The following RNF185 variants were observed in gnomAD, a reference collection of about 807,000 sequenced individuals.
The protein encoded by RNF185 is ring finger protein 185, also known as E3 ubiquitin-protein ligase RNF185.
RNF185 carries 13 observed loss-of-function variants against 24.9 expected under a neutral mutation model. The ratio of observed to expected loss-of-function variants is 0.52; its 90% CI spans 0.34 to 0.83. The LOEUF (loss-of-function observed/expected upper bound fraction) is 0.83. RNF185 is among the 40% of genes least tolerant of loss of function. The probability of loss-of-function intolerance (pLI) is 0.01; values close to 1 mark genes in which losing one functional copy is unlikely to be tolerated. For synonymous variants in RNF185, 79 were observed against 90.3 expected (o/e 0.88, Z 0.71); for missense variants, 184 against 244.7 (o/e 0.75, Z 1.65).
intron 1 of RNF185, among the ~76,000 whole-genome samples, chr22:31,167,596 A>C (rs569449782): frequency 7.1e-6 from 1 of 140,116 alleles, no homozygotes; most frequent in South Asian, 2.3e-4. Context: ...ATGGAAACGT[A>C]GGGGGGTTTT....
chr22:31,164,872 C>T (rs145675313), intron 1 of RNF185, among the ~76,000 whole-genome samples: 34 of 152,008 alleles, frequency 2.2e-4, no homozygotes, highest in African/African-American at 7.5e-4. Context: ...AGGTGTGCCA[C>T]CACACCCGGC....
chr22:31,191,827 C>CA (rs71784545), intron 2 of RNF185, among the ~76,000 whole-genome samples: 12,931 of 64,152 alleles, frequency 0.2, 1,862 homozygotes, highest in African/African-American at 0.41. Flanking sequence ...AACTTCGTCT[C>CA]AAAAAAAAAA....
At chr22:31,197,907 T>C (rs946952406) in intron 5 of RNF185, among the ~76,000 whole-genome samples, 4 of 152,080 alleles carry the variant, frequency 2.6e-5, no homozygotes, top group African/African-American at 9.7e-5. Flanking sequence ...AGAAGTAAGA[T>C]TACTGGCTAA....
intron 1 of RNF185, among the ~76,000 whole-genome samples, chr22:31,180,330 G>C (rs1186681361): frequency 6.6e-6 from 1 of 151,984 alleles, no homozygotes; most frequent in Non-Finnish European, 1.5e-5. Flanking sequence ...TGGGCGTGGT[G>C]GTGGGCACCT....
rs397952201 is a variant in RNF185, at chr22:31,175,452, C to CAA, written c.-48-11582_-48-11581dup. Among the ~76,000 whole-genome samples the CAA allele has an allele frequency of 1.8e-3, 210 of 115,110 alleles. 2 individuals carry two copies. The highest frequency in any genetic ancestry group is 5.6e-3 in the African/African-American group (174 of 31,076). The allele number at this position is 115,110 out of a possible 152,430, so 75.5% of individuals were successfully genotyped here. ...CTGGGCAACAAGAGTGAAACTGTCT[C>CAA]AAAAAAAAAAAAAAGCCATATATCA... is the stretch of plus-strand genomic sequence containing the variant. On this transcript the variant is annotated intron_variant, in intron 1 of 6. Transcript: ENST00000326132.
rs188041584 is a variant in RNF185, at chr22:31,181,100, C to T, written c.-48-5947C>T. On this transcript the variant is annotated intron_variant, in intron 1 of 6. Coordinates refer to ENST00000326132, the MANE Select transcript of RNF185 (RefSeq NM_152267.4). ...CTTTTATTGGGGCTAGGCATGGTGGCTCACTGGGAGGCTGAGGCAGGAGAA... is the reference window on the plus strand; with the variant it reads ...CTTTTATTGGGGCTAGGCATGGTGGTTCACTGGGAGGCTGAGGCAGGAGAA... Among the ~76,000 whole-genome samples, 468 of 152,212 alleles carry T rather than the reference C, an allele frequency of 3.1e-3. 3 individuals carry two copies. The highest frequency in any genetic ancestry group is 5.3e-3 in the Non-Finnish European group (358 of 68,014).
chr22:31,160,673 G>C (rs1923513922), intron 1 of RNF185, among the ~76,000 whole-genome samples: 1 of 152,180 alleles, frequency 6.6e-6, no homozygotes, highest in Non-Finnish European at 1.5e-5. Flanking sequence ...AACAGAGTTG[G>C]GCTGAAAGTA....
chr22:31,180,913 CTCTGTG>C (rs1244659498), intron 1 of RNF185, among the ~76,000 whole-genome samples: 711 of 60,846 alleles, frequency 0.012, 1 homozygote, highest in East Asian at 0.1. Context: ...TTCTCTCTCT[CTCTGTG>C]TGTGTGTGTG....
chr22:31,191,691 G>A (rs898962230), intron 2 of RNF185, among the ~76,000 whole-genome samples: 6 of 152,138 alleles, frequency 3.9e-5, no homozygotes, highest in Non-Finnish European at 7.4e-5. Context: ...AATTAGCTGG[G>A]CGTGGTGGCA....
At chr22:31,203,109 A>T (rs2147967662) in intron 6 of RNF185, among the ~76,000 whole-genome samples, 1 of 152,304 alleles carries the variant, frequency 6.6e-6, no homozygotes, top group African/African-American at 2.4e-5. Flanking sequence ...TGGATTCCCC[A>T]GCTAAGCAGA....
intron 2 of RNF185, among the ~76,000 whole-genome samples, chr22:31,189,483 G>C (rs1447404777): frequency 6.6e-6 from 1 of 151,282 alleles, no homozygotes; most frequent in Non-Finnish European, 1.5e-5. Context: ...TTTTAGTAGA[G>C]ATGGGGCTTC....
At chr22:31,182,545 C>T (rs1279226249) in intron 1 of RNF185, among the ~76,000 whole-genome samples, 1 of 152,184 alleles carries the variant, frequency 6.6e-6, no homozygotes, top group East Asian at 1.9e-4. Flanking sequence ...AGCGATCCAC[C>T]TACCTTGGCC....
intron 1 of RNF185, among the ~76,000 whole-genome samples, chr22:31,174,553 A>AT (rs916447513): frequency 2.6e-5 from 4 of 151,722 alleles, no homozygotes; most frequent in Non-Finnish European, 5.9e-5. Context: ...CTAATTTTAA[A>AT]TTTTTTTGGT....
At chr22:31,180,808 T>C (rs1368677080) in intron 1 of RNF185, among the ~76,000 whole-genome samples, 1 of 152,180 alleles carries the variant, frequency 6.6e-6, no homozygotes, top group African/African-American at 2.4e-5. Flanking sequence ...TTATAAAACA[T>C]TGAAACAGGG....
At chr22:31,164,122 C>T (rs1923760655) in intron 1 of RNF185, among the ~76,000 whole-genome samples, 2 of 152,002 alleles carry the variant, frequency 1.3e-5, no homozygotes, top group African/African-American at 4.8e-5. Flanking sequence ...GCTGGGATTA[C>T]AGGCATGTGC....
In RNF185 at chr22:31,181,413, C is replaced by T. The variant is rs57775002; in HGVS notation, c.-48-5634C>T. ...CACACAGACTATTACAGTGAACCTCCATTCATCACCCAGCTTCAACAACCA... is the reference window on the plus strand; with the variant it reads ...CACACAGACTATTACAGTGAACCTCTATTCATCACCCAGCTTCAACAACCA... On this transcript the variant is annotated intron_variant, in intron 1 of 6. Transcript: ENST00000326132. Among the ~76,000 whole-genome samples, 5,410 of 152,222 alleles carry T rather than the reference C, an allele frequency of 0.036. 491 individuals carry two copies. The East Asian group carries it at 0.38, about 11-fold the overall frequency.
intron 1 of RNF185, among the ~76,000 whole-genome samples, chr22:31,166,697 T>G (rs1015691486): frequency 5.3e-5 from 8 of 151,360 alleles, no homozygotes; most frequent in Admixed American, 2.0e-4. Flanking sequence ...TTGCCCAGGC[T>G]GGAGTGCAAT....
intron 5 of RNF185, among the ~76,000 whole-genome samples, chr22:31,198,058 C>T (rs899406401): frequency 3.9e-5 from 6 of 152,172 alleles, no homozygotes; most frequent in Non-Finnish European, 7.3e-5. Context: ...AATATTTACC[C>T]ACCATTGCCA....
chr22:31,161,855 C>A (rs1325706364), intron 1 of RNF185, among the ~76,000 whole-genome samples: 1 of 150,022 alleles, frequency 6.7e-6, no homozygotes, highest in Non-Finnish European at 1.5e-5. Context: ...CTTGCCAGTT[C>A]ACACACATGA....
Sources: gnomAD v4.1 joint callset for allele counts (sites outside exome capture counted in the v4.1 genomes callset) on GRCh38, gnomAD v4.1.1 for gene constraint, MANE v1.5 for transcripts, NCBI Gene and HGNC (gene_info 2026-07-23, HGNC 2026-07-21) for gene names.